PROCR: variants seen among roughly 807,000 people sequenced by gnomAD.
The protein encoded by PROCR is endothelial protein C receptor.
In PROCR, 22 loss-of-function variants were observed where a neutral mutation model predicts 24.2. That is an observed-to-expected ratio of 0.91 (90% CI 0.65 to 1.30). PROCR has a LOEUF of 1.30. Among genes scored for constraint, PROCR ranks in the 50% most tolerant of loss-of-function variants. PROCR has a pLI of 0.00. For synonymous variants in PROCR, 137 were observed against 139.2 expected, an observed-to-expected ratio of 0.98 and a Z score of 0.11; for missense variants, 288 against 307.7, an observed-to-expected ratio of 0.94 and a Z score of 0.48.
chr20:35,210,639 CT>C (rs1447021259), intron 1 of PROCR, among the ~76,000 whole-genome samples: 3 of 151,592 alleles, frequency 2.0e-5, no homozygotes, highest in Middle Eastern at 3.2e-3. Context: ...CAGTTCTGAA[CT>C]TTTTTTTAAT....
chr20:35,184,617 G>A (rs1012291438), intron 1 of PROCR, among the ~76,000 whole-genome samples: 5 of 152,114 alleles, frequency 3.3e-5, no homozygotes, highest in African/African-American at 4.8e-5. Context: ...GGAGAATGGC[G>A]TGAACCCAGG....
intron 1 of PROCR, among the ~76,000 whole-genome samples, chr20:35,173,640 G>A (rs944777747): frequency 1.3e-5 from 2 of 151,888 alleles, no homozygotes; most frequent in East Asian, 1.9e-4. Context: ...ATGTTGGCCA[G>A]GCTGGTCTTG....
chr20:35,178,959 C>T (rs905980060), downstream of PROCR, among the ~76,000 whole-genome samples: 2 of 150,676 alleles, frequency 1.3e-5, no homozygotes, highest in African/African-American at 2.4e-5. Context: ...AAGCTGGGCA[C>T]GGTGGCTCAT....
intron 1 of PROCR, among the ~76,000 whole-genome samples, chr20:35,189,978 A>G (rs2086160011): frequency 6.6e-6 from 1 of 152,214 alleles, no homozygotes. Flanking sequence ...ACAATTTTGT[A>G]GTCACAGAAA....
At chr20:35,204,369 C>T (rs1318077531) in intron 1 of PROCR, among the ~76,000 whole-genome samples, 3 of 117,146 alleles carry the variant, frequency 2.6e-5, no homozygotes, top group Non-Finnish European at 5.1e-5. Context: ...TCCCTCCTTC[C>T]CTCCCTCCCT....
Position 35,176,796 on chromosome 20 carries a change from G to A in PROCR, c.700G>A (p.Gly234Ser). The A allele has an allele frequency of 1.9e-6, 3 of 1,614,030 alleles. No individual in the cohort carries two copies. The highest frequency in any genetic ancestry group is 2.5e-6 in the Non-Finnish European group (3 of 1,179,996). Residue 234 changes from glycine to serine, a missense_variant, in exon 4 of 4, where the codon GGT becomes AGT. Coordinates refer to ENST00000216968, the MANE Select transcript of PROCR (RefSeq NM_006404.5). ...GGCTGTAGGCATCTTCCTGTGCACA[G>A]GTGGACGGCGATGTTAATTACTCTC... ...GVAVGIFLCT[G>S]GRRC
chr20:35,210,806 G>T (rs1452411039), intron 1 of PROCR, among the ~76,000 whole-genome samples: 3 of 150,252 alleles, frequency 2.0e-5, no homozygotes, highest in Non-Finnish European at 3.0e-5. Context: ...TCCACCTCCA[G>T]GGTTCAAGCG....
At chr20:35,182,963 G>T (rs1251335173) in intron 1 of PROCR, among the ~76,000 whole-genome samples, 1 of 129,240 alleles carries the variant, frequency 7.7e-6, no homozygotes, top group Non-Finnish European at 1.6e-5. Flanking sequence ...GACAGAGCGA[G>T]ACTCCGTCTC....
downstream of PROCR, among the ~76,000 whole-genome samples, chr20:35,180,061 C>T (rs2086063362): frequency 6.6e-6 from 1 of 152,080 alleles, no homozygotes; most frequent in Non-Finnish European, 1.5e-5. Flanking sequence ...GCCTGGCCAA[C>T]ATGGCGAAAC....
At chr20:35,176,611 CTG>C (rs1194978165) in intron 3 of PROCR, 85 bp from the exon 4 acceptor site, 1 of 1,570,154 alleles carries the variant, frequency 6.4e-7, no homozygotes, top group Non-Finnish European at 8.6e-7. Flanking sequence ...TCCCTTTCCT[CTG>C]GGGCAGAAAC....
downstream of PROCR, among the ~76,000 whole-genome samples, chr20:35,180,460 A>G (rs572518533): frequency 3.3e-5 from 5 of 152,216 alleles, no homozygotes; most frequent in Admixed American, 6.5e-5. Flanking sequence ...ATTTTGGCCA[A>G]CTGCAGGACA....
chr20:35,183,678 T>C (rs1243011865), intron 1 of PROCR, among the ~76,000 whole-genome samples: 1 of 152,190 alleles, frequency 6.6e-6, no homozygotes, highest in East Asian at 1.9e-4. Flanking sequence ...CTACTAAAAC[T>C]GCAGGAATCA....
intron 1 of PROCR, among the ~76,000 whole-genome samples, chr20:35,173,385 G>A (rs2085969034): frequency 6.6e-6 from 1 of 150,424 alleles, no homozygotes; most frequent in African/African-American, 2.4e-5. Flanking sequence ...GAGGGCAACT[G>A]AGCTGGGTCT....
chr20:35,180,406 CCTCA>C (rs1424235037), downstream of PROCR, among the ~76,000 whole-genome samples: 1 of 152,148 alleles, frequency 6.6e-6, no homozygotes, highest in Non-Finnish European at 1.5e-5. Context: ...CCAGGGCTGC[CCTCA>C]CTCGGTGCCT....
intron 1 of PROCR, among the ~76,000 whole-genome samples, chr20:35,207,563 T>C (rs937908037): frequency 6.6e-6 from 1 of 151,736 alleles, no homozygotes; most frequent in Non-Finnish European, 1.5e-5. Flanking sequence ...GGAGTCTTAC[T>C]CTGTTGCCCA....
At chr20:35,186,734 G>T (rs2086130955) in intron 1 of PROCR, among the ~76,000 whole-genome samples, 1 of 151,474 alleles carries the variant, frequency 6.6e-6, no homozygotes, top group Admixed American at 6.6e-5. Flanking sequence ...GGATCACAAG[G>T]TCAGGAGATC....
intron 1 of PROCR, among the ~76,000 whole-genome samples, chr20:35,173,705 C>T (rs1418077382): frequency 6.6e-6 from 1 of 152,084 alleles, no homozygotes; most frequent in Non-Finnish European, 1.5e-5. Context: ...ACTGGGATTA[C>T]AGGCATGAGC....
At chr20:35,189,515 G>A (rs932074282) in intron 1 of PROCR, among the ~76,000 whole-genome samples, 1 of 152,028 alleles carries the variant, frequency 6.6e-6, no homozygotes, top group African/African-American at 2.4e-5. Flanking sequence ...TTGTGATCTC[G>A]CCCTGACCTT....
chr20:35,207,544 T>TTGTTTTTTTG (rs1328433292), intron 1 of PROCR, among the ~76,000 whole-genome samples: 1 of 152,106 alleles, frequency 6.6e-6, no homozygotes, highest in African/African-American at 2.4e-5. Flanking sequence ...TTTGTTTTTT[T>TTGTTTTTTTG]CTTGAGATGG....
Sources: allele counts gnomAD v4.1 joint callset (sites outside exome capture counted in the v4.1 genomes callset), GRCh38; gene constraint gnomAD v4.1.1; transcripts MANE v1.5; gene names NCBI Gene and HGNC (gene_info 2026-07-23, HGNC 2026-07-21).